DIP2C: variants seen among roughly 807,000 people sequenced by gnomAD.
DIP2C encodes DIP2 acetate--CoA ligase C (putative).
In DIP2C, 33 loss-of-function variants were observed where a neutral mutation model predicts 192.4. The observed-to-expected ratio is 0.17, with a 90% CI of 0.13 to 0.23. The LOEUF is 0.23. Among genes scored for constraint, DIP2C ranks in the 10% least tolerant of loss-of-function variants. The pLI is 1.00. For missense variants in DIP2C, 1,537 were observed against 2,110.1 expected (o/e 0.73, Z 5.32); for synonymous variants, 979 against 864.1 (o/e 1.13, Z -2.33).
At chr10:391,318 A>G (rs1198004803) in intron 10 of DIP2C, among the ~76,000 whole-genome samples, 1 of 151,656 alleles carries the variant, frequency 6.6e-6, no homozygotes, top group African/African-American at 2.4e-5. Flanking sequence ...CGAAAGGCAC[A>G]CCTGTCATGG....
intron 29 of DIP2C, among the ~76,000 whole-genome samples, chr10:333,991 C>A (rs1957626676): frequency 6.6e-6 from 1 of 152,082 alleles, no homozygotes; most frequent in African/African-American, 2.4e-5. Context: ...GTTTATGTTG[C>A]TTGTTTCTGA....
At chr10:606,576 C>CG (rs1213382690) in intron 1 of DIP2C, among the ~76,000 whole-genome samples, 5 of 145,624 alleles carry the variant, frequency 3.4e-5, no homozygotes, top group Admixed American at 6.9e-5. Context: ...GGGGATCTCT[C>CG]GCCCCGCTGC....
At chr10:588,700 C>CT (rs1305336388) in intron 1 of DIP2C, among the ~76,000 whole-genome samples, 20 of 152,220 alleles carry the variant, frequency 1.3e-4, no homozygotes. Flanking sequence ...CTTCGAGCTC[C>CT]TCCAGCTGCC....
intron 9 of DIP2C, among the ~76,000 whole-genome samples, chr10:399,759 G>C (rs1156403767): frequency 6.6e-6 from 1 of 152,194 alleles, no homozygotes; most frequent in African/African-American, 2.4e-5. Flanking sequence ...AACTCAGTGG[G>C]CTGCTTCACA....
chr10:414,739 G>GTGTGTGTGTGTATA lies in DIP2C; in HGVS notation c.860-630_860-629insTATACACACACACA. On this transcript the variant is annotated intron_variant, in intron 7 of 36. Coordinates refer to ENST00000280886, the MANE Select transcript of DIP2C (RefSeq NM_014974.3). Reference sequence around the variant, plus strand: ...TGTGTGTGTGTGTGTGTGTGTGTGTGTACATATATATATATATAATGTGTA... The same window carrying GTGTGTGTGTGTATA: ...TGTGTGTGTGTGTGTGTGTGTGTGTGTGTGTGTGTGTATATACATATATATATATATAATGTGTA... 8.2e-4 allele frequency among the ~76,000 whole-genome samples: 74 copies of GTGTGTGTGTGTATA among 90,538 alleles called. 1 individual carries two copies. The highest frequency in any genetic ancestry group is 0.013 in the Middle Eastern group (2 of 158). The allele number at this position is 90,538 out of a possible 152,430, so 59.4% of individuals were successfully genotyped here.
chr10:563,550 C>T (rs1248538800), intron 1 of DIP2C, among the ~76,000 whole-genome samples: 1 of 152,096 alleles, frequency 6.6e-6, no homozygotes, highest in African/African-American at 2.4e-5. Context: ...ATTTCCAACT[C>T]GCAGGAAAGC....
intron 3 of DIP2C, among the ~76,000 whole-genome samples, chr10:466,203 GGAACA>G (rs1805718876): frequency 6.6e-6 from 1 of 151,902 alleles, no homozygotes; most frequent in South Asian, 2.1e-4. Flanking sequence ...ATAGATCAAT[GGAACA>G]GAACAGAGCC....
chr10:595,701 C>T (rs1236601545), intron 1 of DIP2C, among the ~76,000 whole-genome samples: 2 of 152,220 alleles, frequency 1.3e-5, no homozygotes, highest in African/African-American at 2.4e-5. Context: ...GCAGGACCCG[C>T]GCCCACCCTG....
At chr10:482,619 CACAG>C (rs894950431) in intron 2 of DIP2C, among the ~76,000 whole-genome samples, 5 of 152,146 alleles carry the variant, frequency 3.3e-5, no homozygotes, top group African/African-American at 9.7e-5. Context: ...AGAAACATTT[CACAG>C]ACAAACACAT....
chr10:553,510 TG>T (rs1430277248), intron 1 of DIP2C, among the ~76,000 whole-genome samples: 1 of 152,246 alleles, frequency 6.6e-6, no homozygotes, highest in Non-Finnish European at 1.5e-5. Context: ...TGTAAACACT[TG>T]AAGTTTGGCA....
intron 1 of DIP2C, among the ~76,000 whole-genome samples, chr10:496,017 G>A (rs529384170): frequency 5.1e-4 from 74 of 143,920 alleles, no homozygotes; most frequent in African/African-American, 1.9e-3. Context: ...AACCCACGGT[G>A]CCCTCCTGTG....
intron 1 of DIP2C, among the ~76,000 whole-genome samples, chr10:514,312 C>A (rs188112032): frequency 6.6e-6 from 1 of 152,332 alleles, no homozygotes; most frequent in Admixed American, 6.5e-5. Context: ...GGCAACCCCA[C>A]TCCTGGCCCA....
intron 1 of DIP2C, among the ~76,000 whole-genome samples, chr10:603,399 CA>C (rs1264415778): frequency 6.9e-6 from 1 of 145,222 alleles, no homozygotes; most frequent in African/African-American, 2.5e-5. Context: ...AACCCTTATT[CA>C]AAGGTCGCCT....
At chr10:624,936 C>T (rs577371098) in intron 1 of DIP2C, among the ~76,000 whole-genome samples, 2 of 152,126 alleles carry the variant, frequency 1.3e-5, no homozygotes, top group African/African-American at 2.4e-5. Flanking sequence ...GGGAGGCGCT[C>T]GGTGCCCTGA....
chr10:288,112 G>A (rs951373503), intron 33 of DIP2C, among the ~76,000 whole-genome samples: 8 of 152,194 alleles, frequency 5.3e-5, no homozygotes, highest in African/African-American at 1.7e-4. Context: ...TGCGCAGAAC[G>A]AGGCTGAAGG....
intron 1 of DIP2C, among the ~76,000 whole-genome samples, chr10:669,804 T>A (rs1857331013): frequency 6.6e-6 from 1 of 152,260 alleles, no homozygotes; most frequent in Non-Finnish European, 1.5e-5. Context: ...CGTTTCAGCT[T>A]AAACTAGTCA....
chr10:381,267 A>G lies in DIP2C; in HGVS notation c.1991+1380T>C, dbSNP rs77869363. ...GGTTTAAATATGCATCATATGCATG[A>G]TAACGACATAAAAAGACAGTCTTAA... On this transcript the variant is annotated intron_variant, in intron 17 of 36. Transcript: ENST00000280886. Among the ~76,000 whole-genome samples, 925 of 152,330 alleles carry G rather than the reference A, an allele frequency of 6.1e-3. 4 individuals carry two copies. Among genetic ancestry groups the G allele is most frequent in the Middle Eastern group, 0.014 (4 of 294 alleles).
At chr10:418,534 T>A (rs115446616) in intron 6 of DIP2C, among the ~76,000 whole-genome samples, 2,384 of 152,284 alleles carry the variant, frequency 0.016, 73 homozygotes, top group African/African-American at 0.055. Context: ...GTAGTCAGAA[T>A]ATACCAAGAC....
chr10:442,524 T>C (rs576645111), intron 3 of DIP2C, among the ~76,000 whole-genome samples: 16 of 152,294 alleles, frequency 1.1e-4, no homozygotes, highest in African/African-American at 3.9e-4. Flanking sequence ...GTTTTGCATA[T>C]TCTCCATTTT....
Sources: gnomAD v4.1 joint callset for allele counts (sites outside exome capture counted in the v4.1 genomes callset) on GRCh38, gnomAD v4.1.1 for gene constraint, MANE v1.5 for transcripts, NCBI Gene and HGNC (gene_info 2026-07-23, HGNC 2026-07-21) for gene names.